SND1: variants seen among roughly 807,000 people sequenced by gnomAD.
SND1 encodes staphylococcal nuclease domain-containing protein 1.
SND1 carries 38 observed loss-of-function variants against 121.7 expected under a neutral mutation model. The observed-to-expected ratio is 0.31, with a 90% CI of 0.24 to 0.41. The LOEUF (loss-of-function observed/expected upper bound fraction) is 0.41. Ranked by LOEUF, SND1 falls within the 10% of genes least tolerant of loss-of-function variation. SND1 has a pLI of 1.00. For synonymous variants in SND1, 401 were observed against 447.4 expected (o/e 0.90, Z 1.31); for missense variants, 868 against 1,184.6 (o/e 0.73, Z 3.92).
chr7:127,769,037 A>G (rs1797468266), intron 10 of SND1, among the ~76,000 whole-genome samples: 1 of 152,160 alleles, frequency 6.6e-6, no homozygotes, highest in African/African-American at 2.4e-5. Flanking sequence ...TATATGGCAA[A>G]TTCTTTGTCT....
chr7:128,039,729 A>G (rs1792815595), intron 16 of SND1, among the ~76,000 whole-genome samples: 1 of 152,200 alleles, frequency 6.6e-6, no homozygotes, highest in African/African-American at 2.4e-5. Context: ...CAAATTGGCT[A>G]AAGTGCATTT....
intron 10 of SND1, among the ~76,000 whole-genome samples, chr7:127,755,377 TCTCC>T (rs1390037210): frequency 1.3e-5 from 2 of 152,194 alleles, no homozygotes; most frequent in East Asian, 3.9e-4. Flanking sequence ...CTTCCTTCTT[TCTCC>T]CTCTTTGCTG....
intron 10 of SND1, among the ~76,000 whole-genome samples, chr7:127,730,324 A>G (rs1796653818): frequency 6.6e-6 from 1 of 152,196 alleles, no homozygotes; most frequent in Admixed American, 6.5e-5. Context: ...GTTTTTGGCA[A>G]ATGCCTTTGC....
intron 1 of SND1, among the ~76,000 whole-genome samples, chr7:127,669,533 G>C (rs376427697): frequency 2.8e-4 from 42 of 152,162 alleles, no homozygotes; most frequent in African/African-American, 1.0e-3. Context: ...TCCTCCAAAG[G>C]GATGCTTGGT....
At chr7:128,079,576 T>A (rs1793563077) in intron 17 of SND1, among the ~76,000 whole-genome samples, 1 of 152,220 alleles carries the variant, frequency 6.6e-6, no homozygotes, top group Non-Finnish European at 1.5e-5. Context: ...TGTAGGATGG[T>A]GGAAAGCTTG....
At chr7:127,875,406 G>A (rs1584634234) in intron 12 of SND1, among the ~76,000 whole-genome samples, 2 of 152,278 alleles carry the variant, frequency 1.3e-5, no homozygotes, top group Admixed American at 1.3e-4. Flanking sequence ...CACCGGCATG[G>A]GGAGAATGCC....
chr7:128,047,878 G>A (rs908341231), intron 16 of SND1, among the ~76,000 whole-genome samples: 2 of 150,350 alleles, frequency 1.3e-5, no homozygotes, highest in African/African-American at 4.9e-5. Flanking sequence ...ACGAAATTTC[G>A]CTCTTATTGC....
intron 11 of SND1, among the ~76,000 whole-genome samples, chr7:127,811,164 A>G (rs552116999): frequency 4.6e-5 from 7 of 152,318 alleles, no homozygotes; most frequent in Middle Eastern, 3.4e-3. Flanking sequence ...GAAATTTGTT[A>G]TCTGAACTAA....
intron 13 of SND1, among the ~76,000 whole-genome samples, chr7:127,891,132 C>T (rs1800002632): frequency 6.6e-6 from 1 of 152,070 alleles, no homozygotes; most frequent in African/African-American, 2.4e-5. Context: ...AAGTCAGATT[C>T]AAGAAAGATC....
chr7:127,971,947 G>GT (rs531177649), intron 15 of SND1, among the ~76,000 whole-genome samples: 6 of 151,192 alleles, frequency 4.0e-5, no homozygotes, highest in East Asian at 3.9e-4. Context: ...TAACTTTTTT[G>GT]TTTTTTTAGT....
intron 15 of SND1, among the ~76,000 whole-genome samples, chr7:127,981,238 G>C (rs1437125610): frequency 6.6e-6 from 1 of 151,884 alleles, no homozygotes; most frequent in African/African-American, 2.4e-5. Context: ...GTATGAGGTT[G>C]TTGTTTTGGT....
chr7:127,855,241 TC>T (rs1331118415), intron 12 of SND1, among the ~76,000 whole-genome samples: 1 of 151,996 alleles, frequency 6.6e-6, no homozygotes, highest in Non-Finnish European at 1.5e-5. Context: ...CACCTCAGCC[TC>T]CCAAGTAGCT....
intron 14 of SND1, among the ~76,000 whole-genome samples, chr7:127,905,187 C>T (rs1054000482): frequency 2.0e-5 from 3 of 152,118 alleles, no homozygotes; most frequent in African/African-American, 7.2e-5. Context: ...AGCAAAAGGT[C>T]AAGTATAGAT....
At position 128,087,071 on chromosome 7, in the gene SND1, C is replaced by T; in HGVS notation, c.2418+20C>T. 1 of 1,590,470 alleles carries T rather than the reference C, an allele frequency of 6.3e-7. No individual in the cohort carries two copies. Among genetic ancestry groups the T allele is most frequent in the Non-Finnish European group, 8.6e-7 (1 of 1,159,124 alleles). On this transcript the variant is annotated intron_variant, in intron 21 of 23. Transcript: ENST00000354725. ...CAAGATGTGAGTCTGGAGTCTTCCT[C>T]CTTCCAAAGGGGACTATCCACTGAC... is the stretch of plus-strand genomic sequence containing the variant.
intron 15 of SND1, among the ~76,000 whole-genome samples, chr7:127,978,820 G>A (rs760593471): frequency 6.6e-5 from 10 of 152,110 alleles, no homozygotes; most frequent in Non-Finnish European, 1.5e-4. Flanking sequence ...CCGAGTAGCT[G>A]GGATTACAGG....
chr7:127,733,091 C>G (rs1348928141), intron 10 of SND1, among the ~76,000 whole-genome samples: 5 of 152,122 alleles, frequency 3.3e-5, no homozygotes, highest in African/African-American at 1.2e-4. Flanking sequence ...AACTTTCTCT[C>G]TCTCTCTTCC....
chr7:128,032,258 G>A (rs1224848245), intron 16 of SND1, among the ~76,000 whole-genome samples: 5 of 150,946 alleles, frequency 3.3e-5, no homozygotes, highest in African/African-American at 9.7e-5. Flanking sequence ...CCGCGCCTCC[G>A]GCCGCCCGTC....
chr7:128,018,489 C>T (rs1803276267), intron 16 of SND1, among the ~76,000 whole-genome samples: 1 of 152,206 alleles, frequency 6.6e-6, no homozygotes, highest in African/African-American at 2.4e-5. Context: ...TGCCTCCCTC[C>T]GTGGCCCACA....
At chr7:127,744,583 C>T (rs926498000) in intron 10 of SND1, among the ~76,000 whole-genome samples, 1 of 152,140 alleles carries the variant, frequency 6.6e-6, no homozygotes, top group East Asian at 1.9e-4. Flanking sequence ...TGATGATATG[C>T]TCATTTCTTC....
Sources: gnomAD v4.1 joint callset for allele counts (sites outside exome capture counted in the v4.1 genomes callset) on GRCh38, gnomAD v4.1.1 for gene constraint, MANE v1.5 for transcripts, NCBI Gene and HGNC (gene_info 2026-07-23, HGNC 2026-07-21) for gene names.